Variants in CHN2 observed in about 807,000 individuals in gnomAD.
CHN2 encodes chimerin 2, also known as beta-chimaerin.
In CHN2, 35 loss-of-function variants were observed where a neutral mutation model predicts 56.3. That is an observed-to-expected ratio of 0.62 (90% confidence interval 0.47 to 0.82). The LOEUF (loss-of-function observed/expected upper bound fraction) is 0.82, where lower values mean the gene tolerates loss of function less well. CHN2 is among the 40% of genes least tolerant of loss of function. The pLI is 0.00. For missense variants in CHN2, 491 were observed against 580.5 expected (o/e 0.85, Z 1.58); for synonymous variants, 210 against 212.8 (o/e 0.99, Z 0.12).
chr7:29,336,759 CAAAAAAAAAAAAAAAAAAAAAA>C (rs5883205), intron 1 of CHN2, among the ~76,000 whole-genome samples: 1 of 68,554 alleles, frequency 1.5e-5, no homozygotes, highest in Non-Finnish European at 2.5e-5. Context: ...GATTCTGTCT[CAAAAAAAAAAAAAAAAAAAAAA>C]AAAAAAAAGC....
At chr7:29,315,651 T>C (rs945047145) in intron 1 of CHN2, among the ~76,000 whole-genome samples, 4 of 152,292 alleles carry the variant, frequency 2.6e-5, no homozygotes, top group African/African-American at 9.6e-5. Context: ...GTGATGGGAT[T>C]TGAGGATTAT....
At chr7:29,289,612 A>C (rs1792426790) in intron 1 of CHN2, among the ~76,000 whole-genome samples, 1 of 152,214 alleles carries the variant, frequency 6.6e-6, no homozygotes, top group South Asian at 2.1e-4. Context: ...CTTTGGAACA[A>C]GCATTATCCT....
At chr7:29,396,459 C>CAAAAAAAAAA (rs35163855) in intron 4 of CHN2, among the ~76,000 whole-genome samples, 34 of 56,526 alleles carry the variant, frequency 6.0e-4, no homozygotes, top group African/African-American at 2.4e-3. Flanking sequence ...AGACTCTCTC[C>CAAAAAAAAAA]AAAAAAAAAA....
chr7:29,307,146 A>G (rs779477168), intron 1 of CHN2, among the ~76,000 whole-genome samples: 12 of 152,252 alleles, frequency 7.9e-5, no homozygotes, highest in Admixed American at 2.6e-4. Flanking sequence ...TGAGAAGCTC[A>G]GTTGTCTGTA....
In CHN2 at chr7:29,251,775, G is replaced by A. The variant is rs1788539061; in HGVS notation, c.49+56785G>A. Among the ~76,000 whole-genome samples, 9 of 152,324 alleles carry A rather than the reference G, an allele frequency of 5.9e-5. No homozygotes were observed. The South Asian group carries it at 1.9e-3, about 32-fold the overall frequency. ...AAACTGTGAGTGTTTACTTTCAACTGTGAAAACGAAGCCAGATTTGGAACT... is the reference window on the plus strand; with the variant it reads ...AAACTGTGAGTGTTTACTTTCAACTATGAAAACGAAGCCAGATTTGGAACT... On this transcript the variant is annotated intron_variant, in intron 1 of 12. Transcript: ENST00000222792.
At chr7:29,231,121 A>G (rs1259362695) in intron 1 of CHN2, among the ~76,000 whole-genome samples, 1 of 152,206 alleles carries the variant, frequency 6.6e-6, no homozygotes, top group African/African-American at 2.4e-5. Context: ...GCTATATGGC[A>G]TGTGTCTGAC....
intron 6 of CHN2, among the ~76,000 whole-genome samples, chr7:29,444,279 AT>A (rs1783877239): frequency 6.6e-6 from 1 of 152,252 alleles, no homozygotes; most frequent in Non-Finnish European, 1.5e-5. Flanking sequence ...CATTTCAGTT[AT>A]CTATGGCTGC....
chr7:29,268,134 G>T (rs1562878044), intron 1 of CHN2, among the ~76,000 whole-genome samples: 1 of 152,118 alleles, frequency 6.6e-6, no homozygotes, highest in South Asian at 2.1e-4. Context: ...GAAACTAAGG[G>T]TGTGGGAACA....
chr7:29,256,816 C>A (rs548553469), intron 1 of CHN2, among the ~76,000 whole-genome samples: 1 of 152,092 alleles, frequency 6.6e-6, no homozygotes, highest in East Asian at 1.9e-4. Flanking sequence ...AACCGATCGC[C>A]CCCCCACCAC....
At chr7:29,234,023 C>T (rs39071) in intron 1 of CHN2, among the ~76,000 whole-genome samples, 1 of 149,814 alleles carries the variant, frequency 6.7e-6, no homozygotes, top group Non-Finnish European at 1.5e-5. Flanking sequence ...TTAGTAGAGA[C>T]GGGGTTTCAC....
At chr7:29,442,733 C>T (rs368239661) in intron 6 of CHN2, among the ~76,000 whole-genome samples, 1 of 152,086 alleles carries the variant, frequency 6.6e-6, no homozygotes. Context: ...TTATACTGGG[C>T]ATGTATCCAC....
chr7:29,271,143 G>A (rs1790601411), intron 1 of CHN2, among the ~76,000 whole-genome samples: 2 of 152,112 alleles, frequency 1.3e-5, no homozygotes, highest in African/African-American at 4.8e-5. Flanking sequence ...TGAAAGGGGT[G>A]GAGTTGTGTC....
Position 29,407,154 on chromosome 7 carries a change from A to C in CHN2, c.576+6326A>C, listed in dbSNP as rs369283149. Among the ~76,000 whole-genome samples the C allele has an allele frequency of 1.8e-3, 274 of 152,282 alleles. 12 individuals carry two copies. In the South Asian group the frequency reaches 0.053, roughly 30 times the overall value. On this transcript the variant is annotated intron_variant, in intron 6 of 12. Coordinates refer to ENST00000222792, the MANE Select transcript of CHN2 (RefSeq NM_004067.4). ...GGGAATCGTGGAGACCATCTCATGCAACCCTTCTGTTTTGCAGGACAGGAA... is the reference window on the plus strand; with the variant it reads ...GGGAATCGTGGAGACCATCTCATGCCACCCTTCTGTTTTGCAGGACAGGAA...
At chr7:29,437,978 T>C (rs1358918108) in intron 6 of CHN2, among the ~76,000 whole-genome samples, 2 of 152,198 alleles carry the variant, frequency 1.3e-5, no homozygotes, top group African/African-American at 4.8e-5. Context: ...TTCTAGATGA[T>C]ACTTTAACGA....
intron 9 of CHN2, among the ~76,000 whole-genome samples, chr7:29,503,493 G>A (rs780212152): frequency 1.4e-4 from 22 of 152,168 alleles, no homozygotes; most frequent in Non-Finnish European, 2.8e-4. Context: ...CACAGGTTTC[G>A]TCTTGTGTGG....
chr7:29,335,318 C>G (rs910513582), intron 1 of CHN2, among the ~76,000 whole-genome samples: 1 of 152,136 alleles, frequency 6.6e-6, no homozygotes, highest in Non-Finnish European at 1.5e-5. Context: ...TAAAAACAGC[C>G]CTTGCTGGAG....
intron 3 of CHN2, among the ~76,000 whole-genome samples, chr7:29,387,053 G>A (rs117603909): frequency 0.014 from 2,134 of 152,294 alleles, 10 homozygotes; most frequent in Non-Finnish European, 0.023. Flanking sequence ...AACTAGCTCT[G>A]TGACCTCATG....
intron 2 of CHN2, among the ~76,000 whole-genome samples, chr7:29,157,375 G>C (rs1182468013): frequency 6.6e-6 from 1 of 151,778 alleles, no homozygotes; most frequent in Non-Finnish European, 1.5e-5. Context: ...TACATAGCTT[G>C]CAGTAAACTG....
At chr7:29,489,142 A>C (rs1176468786) in intron 7 of CHN2, among the ~76,000 whole-genome samples, 2 of 152,168 alleles carry the variant, frequency 1.3e-5, no homozygotes, top group African/African-American at 4.8e-5. Flanking sequence ...AATGCCTGAG[A>C]TCTTTCTGGA....
Sources: gnomAD v4.1 joint callset for allele counts (sites outside exome capture counted in the v4.1 genomes callset) on GRCh38, gnomAD v4.1.1 for gene constraint, MANE v1.5 for transcripts, NCBI Gene and HGNC (gene_info 2026-07-23, HGNC 2026-07-21) for gene names.